RIMBP2: variants seen among roughly 807,000 people sequenced by gnomAD.
RIMBP2 encodes the protein RIMS binding protein 2.
Under a neutral mutation model 118.6 loss-of-function variants are expected in RIMBP2, and 48 were observed. The observed-to-expected ratio is 0.40, with a 90% CI of 0.32 to 0.51. The LOEUF (loss-of-function observed/expected upper bound fraction) is 0.51. Among genes scored for constraint, RIMBP2 ranks in the 20% least tolerant of loss-of-function variants. The pLI, the probability that RIMBP2 is intolerant of heterozygous loss-of-function variation, is 0.41. For missense variants in RIMBP2, 1,551 were observed against 1,768.3 expected, an observed-to-expected ratio of 0.88 and a Z score of 2.20; for synonymous variants, 762 against 742.9, an observed-to-expected ratio of 1.03 and a Z score of -0.42.
Position 130,397,850 on chromosome 12 carries a change from A to G in RIMBP2, c.3901-301T>C, listed in dbSNP as rs2074181621. 4 of 218,666 alleles carry G rather than the reference A, an allele frequency of 1.8e-5. No individual in the cohort carries two copies. In the Admixed American group the frequency reaches 2.3e-4, roughly 13 times the overall value. The allele number at this position is 218,666 out of a possible 1,614,324, so 13.5% of individuals were successfully genotyped here. A position where few individuals can be genotyped will look rare whatever the true frequency, so the allele number is the denominator to read the frequency against. The stretch of plus-strand genomic sequence containing the variant: ...CATAAATGAAGACTAAGGGCAGGGG[A>G]GACATGATCTGAAATTAGGTTGATA... On this transcript the variant is annotated intron_variant, in intron 22 of 22. Coordinates refer to ENST00000690449, the MANE Select transcript of RIMBP2 (RefSeq NM_001393629.1).
At chr12:130,509,715 C>T (rs1425037521) in intron 3 of RIMBP2, among the ~76,000 whole-genome samples, 1 of 151,506 alleles carries the variant, frequency 6.6e-6, no homozygotes, top group Non-Finnish European at 1.5e-5. Flanking sequence ...GGTGTCCTGC[C>T]CATGCCCTCT....
At chr12:130,610,166 G>C (rs796287672) in intron 2 of RIMBP2, among the ~76,000 whole-genome samples, 1 of 149,124 alleles carries the variant, frequency 6.7e-6, no homozygotes, top group Middle Eastern at 3.4e-3. Context: ...TGCTCCTCCC[G>C]GTCCCTCCCG....
At chr12:130,603,597 A>G (rs1033308090) in intron 2 of RIMBP2, among the ~76,000 whole-genome samples, 9 of 152,242 alleles carry the variant, frequency 5.9e-5, no homozygotes, top group Non-Finnish European at 1.2e-4. Context: ...TACAGGCATA[A>G]GATACACTTG....
chr12:130,400,072 C>T (rs901285679), intron 21 of RIMBP2, among the ~76,000 whole-genome samples: 4 of 152,138 alleles, frequency 2.6e-5, no homozygotes, highest in African/African-American at 9.7e-5. Flanking sequence ...GCCAAAGAGC[C>T]CCTGGGATTC....
chr12:130,555,084 A>G (rs925767497), intron 2 of RIMBP2, among the ~76,000 whole-genome samples: 3 of 152,218 alleles, frequency 2.0e-5, no homozygotes, highest in Non-Finnish European at 4.4e-5. Flanking sequence ...GAGAGAAAAA[A>G]CAGAGCCAAG....
chr12:130,546,354 G>A (rs1352346238), intron 2 of RIMBP2, among the ~76,000 whole-genome samples: 1 of 152,114 alleles, frequency 6.6e-6, no homozygotes, highest in African/African-American at 2.4e-5. Flanking sequence ...GGAGTGCAGT[G>A]GTGTGATCTC....
intron 1 of RIMBP2, among the ~76,000 whole-genome samples, chr12:130,682,902 C>T (rs2064864902): frequency 6.6e-6 from 1 of 152,202 alleles, no homozygotes; most frequent in Non-Finnish European, 1.5e-5. Context: ...GATACGAGTA[C>T]CCCGAGCTAT....
intron 2 of RIMBP2, among the ~76,000 whole-genome samples, chr12:130,568,315 T>C (rs1454163347): frequency 1.3e-5 from 2 of 152,226 alleles, no homozygotes; most frequent in Non-Finnish European, 2.9e-5. Context: ...TCTCATGTGC[T>C]TCAGCTCCCC....
intron 11 of RIMBP2, 25 bp downstream of exon 11, chr12:130,441,823 A>T (rs771237676): frequency 6.3e-7 from 1 of 1,594,644 alleles, no homozygotes; most frequent in Non-Finnish European, 8.6e-7. Flanking sequence ...TCCCTGGGGG[A>T]CCCACGGAAG....
intron 17 of RIMBP2, among the ~76,000 whole-genome samples, chr12:130,421,989 G>T (rs1239470303): frequency 6.6e-6 from 1 of 152,204 alleles, no homozygotes; most frequent in Non-Finnish European, 1.5e-5. Flanking sequence ...CATTTCAGGG[G>T]CACACTCAGC....
chr12:130,678,977 C>T (rs1012691801), intron 1 of RIMBP2, among the ~76,000 whole-genome samples: 13 of 152,180 alleles, frequency 8.5e-5, no homozygotes, highest in Admixed American at 1.3e-4. Context: ...TGGAACTAGA[C>T]GCTGGTGATG....
At position 130,451,207 on chromosome 12, in the gene RIMBP2, T is replaced by G. The variant is rs766532011; in HGVS notation, c.492A>C (p.Arg164Ser). The change falls in exon 8 of 23, where the codon AGA becomes AGC. Residue 164 changes from arginine (R) to serine (S), a missense_variant. By Grantham distance (110) the Arg-to-Ser change is moderately radical (BLOSUM62 -1). Coordinates refer to ENST00000690449, the MANE Select transcript of RIMBP2 (RefSeq NM_001393629.1). ...GGACGGGACTCACGTCTGACTCAGA[T>G]CTGCATCTTGCGCTACCGGATCTCG... Reference protein sequence around the residue: ...FLSRSGSARCRSESDMENERN... With the variant: ...FLSRSGSARCSSESDMENERN... 1 of 1,613,922 alleles carries G rather than the reference T, an allele frequency of 6.2e-7. No individual in the cohort carries two copies. The highest frequency in any genetic ancestry group is 2.2e-5 in the East Asian group (1 of 44,870).
chr12:130,693,321 A>C (rs1251872885), intron 1 of RIMBP2, among the ~76,000 whole-genome samples: 1 of 152,234 alleles, frequency 6.6e-6, no homozygotes, highest in African/African-American at 2.4e-5. Flanking sequence ...CTTAGAGATA[A>C]TTTAGGCAAT....
At chr12:130,661,126 TGCCATTCGCAGTCTGTATTCCAGCA>T (rs1426168082) in intron 1 of RIMBP2, among the ~76,000 whole-genome samples, 4 of 152,318 alleles carry the variant, frequency 2.6e-5, no homozygotes, top group East Asian at 1.9e-4. Flanking sequence ...GGTGGACAGC[TGCCATTCGCAGTCTGTATTCCAGCA>T]GCCATGCCTC....
intron 20 of RIMBP2, among the ~76,000 whole-genome samples, chr12:130,406,611 C>T (rs1411003527): frequency 1.3e-5 from 2 of 152,204 alleles, no homozygotes; most frequent in Non-Finnish European, 2.9e-5. Context: ...AATATCCTTT[C>T]ACTGAGTATT....
intron 14 of RIMBP2, among the ~76,000 whole-genome samples, chr12:130,433,182 A>T (rs2136967430): frequency 6.6e-6 from 1 of 152,324 alleles, no homozygotes; most frequent in East Asian, 1.9e-4. Context: ...GACTGTAGAC[A>T]TTAAGCCGGT....
chr12:130,458,076 TCCCCTCCTCCG>T (rs1442698331), intron 6 of RIMBP2, among the ~76,000 whole-genome samples: 3 of 69,166 alleles, frequency 4.3e-5, no homozygotes. Context: ...CACCTCCCCC[TCCCCTCCTCCG>T]CCCCTCCTCT....
At chr12:130,566,934 G>C (rs924525813) in intron 2 of RIMBP2, among the ~76,000 whole-genome samples, 2 of 152,162 alleles carry the variant, frequency 1.3e-5, no homozygotes, top group Non-Finnish European at 2.9e-5. Context: ...CCCTTTAATG[G>C]GCAGAGGGCA....
intron 4 of RIMBP2, among the ~76,000 whole-genome samples, chr12:130,485,422 C>A (rs1379502935): frequency 6.6e-6 from 1 of 152,230 alleles, no homozygotes; most frequent in African/African-American, 2.4e-5. Context: ...CGGCCACTGC[C>A]CCACTTCTGG....
Sources: gnomAD v4.1 joint callset for allele counts (sites outside exome capture counted in the v4.1 genomes callset) on GRCh38, gnomAD v4.1.1 for gene constraint, MANE v1.5 for transcripts, NCBI Gene and HGNC (gene_info 2026-07-23, HGNC 2026-07-21) for gene names.